FHIP1A: variants seen among roughly 807,000 people sequenced by gnomAD.
The protein encoded by FHIP1A is FHF complex subunit HOOK interacting protein 1A, also known as FHF complex subunit HOOK-interacting protein 1A.
In FHIP1A, 61 loss-of-function variants were observed where a neutral mutation model predicts 88.6. The ratio of observed to expected loss-of-function variants is 0.69; its 90% CI spans 0.56 to 0.85. FHIP1A has a LOEUF of 0.85. Among genes scored for constraint, FHIP1A ranks in the 40% least tolerant of loss-of-function variants. The probability of loss-of-function intolerance (pLI) is 0.00; values close to 1 mark genes in which losing one functional copy is unlikely to be tolerated. For missense variants in FHIP1A, 1,154 were observed against 1,273.5 expected (o/e 0.91, Z 1.43); for synonymous variants, 478 against 496.0 (o/e 0.96, Z 0.48).
intron 7 of FHIP1A, among the ~76,000 whole-genome samples, chr4:151,601,377 A>G (rs779814648): frequency 6.6e-6 from 1 of 152,070 alleles, no homozygotes; most frequent in Non-Finnish European, 1.5e-5. Flanking sequence ...TACCAGTATC[A>G]GCATCTTAGA....
chr4:151,507,916 T>C (rs1370225490), intron 3 of FHIP1A, among the ~76,000 whole-genome samples: 1 of 152,240 alleles, frequency 6.6e-6, no homozygotes, highest in South Asian at 2.1e-4. Context: ...TTTCTGATCC[T>C]GGAAGCTTGA....
At chr4:151,515,330 A>C (rs1206062109) in intron 3 of FHIP1A, among the ~76,000 whole-genome samples, 1 of 151,688 alleles carries the variant, frequency 6.6e-6, no homozygotes, top group Non-Finnish European at 1.5e-5. Flanking sequence ...ATCTATGACA[A>C]ACCCACAGCC....
intron 3 of FHIP1A, among the ~76,000 whole-genome samples, chr4:151,562,564 G>A (rs1377165433): frequency 6.6e-6 from 1 of 152,012 alleles, no homozygotes; most frequent in Non-Finnish European, 1.5e-5. Context: ...TCCCCTTAAG[G>A]TGGCCATTCC....
intron 1 of FHIP1A, among the ~76,000 whole-genome samples, chr4:151,446,581 CTTTTTTTTT>C (rs35115788): frequency 4.7e-4 from 52 of 109,984 alleles, no homozygotes; most frequent in African/African-American, 9.5e-4. Flanking sequence ...TGTTCTTTTT[CTTTTTTTTT>C]TTTTTTTTTT....
chr4:151,447,574 A>T (rs187844250), intron 1 of FHIP1A, among the ~76,000 whole-genome samples: 232 of 152,246 alleles, frequency 1.5e-3, no homozygotes, highest in Middle Eastern at 6.8e-3. Flanking sequence ...GTTTATTTTT[A>T]AAAAATTGTA....
rs1210415186 is a variant in FHIP1A at position 151,664,019 on chromosome 4, CAG to C, written c.*1267_*1268del. On this transcript the variant is annotated 3_prime_UTR_variant, in exon 14 of 14. Transcript: ENST00000435205. ...TTAAACCACCACCAAGAGGGGAAAA[CAG>C]AATAATTGTGAGCTGAAAATGAGAC... 1.3e-5 allele frequency among the ~76,000 whole-genome samples: 2 copies of C among 152,150 alleles called. No individual in the cohort carries two copies. Among genetic ancestry groups the C allele is most frequent in the Non-Finnish European group, 2.9e-5 (2 of 68,022 alleles).
At chr4:151,423,430 G>C (rs1309218900) in intron 1 of FHIP1A, among the ~76,000 whole-genome samples, 3 of 152,134 alleles carry the variant, frequency 2.0e-5, no homozygotes, top group Admixed American at 2.0e-4. Flanking sequence ...ATTAGCAAGT[G>C]TTTAACATTG....
chr4:151,513,337 A>G (rs940316852), intron 3 of FHIP1A, among the ~76,000 whole-genome samples: 3 of 152,246 alleles, frequency 2.0e-5, no homozygotes, highest in African/African-American at 7.2e-5. Flanking sequence ...AGTACCAGCC[A>G]CTGCAAAATC....
At chr4:151,513,962 A>G (rs1731131782) in intron 3 of FHIP1A, among the ~76,000 whole-genome samples, 1 of 150,538 alleles carries the variant, frequency 6.6e-6, no homozygotes, top group South Asian at 2.1e-4. Flanking sequence ...CCTAATAGAC[A>G]TCTACAGAAC....
At chr4:151,571,006 T>C (rs1733582095) in intron 4 of FHIP1A, among the ~76,000 whole-genome samples, 1 of 152,304 alleles carries the variant, frequency 6.6e-6, no homozygotes, top group Non-Finnish European at 1.5e-5. Flanking sequence ...TTTATCTGAA[T>C]GGAAAAGAGG....
chr4:151,549,953 T>G (rs1332441865), intron 3 of FHIP1A, among the ~76,000 whole-genome samples: 1 of 152,190 alleles, frequency 6.6e-6, no homozygotes, highest in Non-Finnish European at 1.5e-5. Context: ...CTCCCTTACT[T>G]TCTACCTTTT....
intron 4 of FHIP1A, among the ~76,000 whole-genome samples, chr4:151,574,028 T>C (rs1310190199): frequency 1.3e-5 from 2 of 152,264 alleles, no homozygotes; most frequent in East Asian, 3.9e-4. Context: ...AGTCCCAAGG[T>C]TGGGCCACCA....
At chr4:151,502,319 AAAACAAAC>A (rs70941501) in intron 3 of FHIP1A, among the ~76,000 whole-genome samples, 76,917 of 149,342 alleles carry the variant, frequency 0.52, 20,119 homozygotes, top group Non-Finnish European at 0.55. Context: ...CCCATCTCAA[AAAACAAAC>A]AAACAAACAA....
At chr4:151,437,357 A>G (rs534968247) in intron 1 of FHIP1A, among the ~76,000 whole-genome samples, 1 of 152,260 alleles carries the variant, frequency 6.6e-6, no homozygotes, top group African/African-American at 2.4e-5. Flanking sequence ...ATGACCAAAA[A>G]TGTTGAATAT....
At chr4:151,412,613 TC>T (rs1197957671) in intron 1 of FHIP1A, among the ~76,000 whole-genome samples, 2 of 118,716 alleles carry the variant, frequency 1.7e-5, no homozygotes, top group African/African-American at 6.8e-5. Context: ...CCTTCCTTCC[TC>T]CCTCCCTCCC....
intron 7 of FHIP1A, among the ~76,000 whole-genome samples, chr4:151,604,987 A>G (rs1578807873): frequency 6.6e-6 from 1 of 152,204 alleles, no homozygotes; most frequent in East Asian, 1.9e-4. Context: ...CAAGTGAAGC[A>G]GTCTAATTGG....
intron 1 of FHIP1A, among the ~76,000 whole-genome samples, chr4:151,440,250 CAT>C (rs1409651865): frequency 6.6e-6 from 1 of 152,154 alleles, no homozygotes; most frequent in African/African-American, 2.4e-5. Flanking sequence ...CCTCTCATGA[CAT>C]GTGGGGATTA....
chr4:151,478,281 G>A (rs1286116067), intron 2 of FHIP1A, among the ~76,000 whole-genome samples: 2 of 152,256 alleles, frequency 1.3e-5, no homozygotes, highest in South Asian at 2.1e-4. Context: ...TATACAAGAT[G>A]TTTTGTTTAT....
At chr4:151,443,575 G>A (rs1369709464) in intron 1 of FHIP1A, among the ~76,000 whole-genome samples, 2 of 151,550 alleles carry the variant, frequency 1.3e-5, no homozygotes, top group African/African-American at 4.8e-5. Flanking sequence ...AGAAAGATGG[G>A]AAAGTTTCCT....
Sources: allele counts gnomAD v4.1 joint callset (sites outside exome capture counted in the v4.1 genomes callset), GRCh38; gene constraint gnomAD v4.1.1; transcripts MANE v1.5; gene names NCBI Gene and HGNC (gene_info 2026-07-23, HGNC 2026-07-21).